The following STPG2 variants were observed in gnomAD, a reference collection of about 807,000 sequenced individuals.
STPG2 encodes the protein sperm-tail PG-rich repeat-containing protein 2.
STPG2 carries 56 observed loss-of-function variants against 54.2 expected under a neutral mutation model. That is an observed-to-expected ratio of 1.03 (90% CI 0.83 to 1.29). The LOEUF (loss-of-function observed/expected upper bound fraction) is 1.29, where lower values mean the gene tolerates loss of function less well. Among genes scored for constraint, STPG2 ranks in the 50% most tolerant of loss-of-function variants. The probability of loss-of-function intolerance (pLI) is 0.00; values close to 1 mark genes in which losing one functional copy is unlikely to be tolerated. For missense variants in STPG2, 596 were observed against 544.9 expected (o/e 1.09, Z -0.93); for synonymous variants, 200 against 181.8 (o/e 1.10, Z -0.81).
intron 4 of STPG2, among the ~76,000 whole-genome samples, chr4:97,498,245 T>C (rs1037856024): frequency 1.3e-5 from 2 of 151,884 alleles, no homozygotes; most frequent in African/African-American, 4.8e-5. Context: ...CACCTTTAAA[T>C]AGAGAACTTG....
intron 4 of STPG2, among the ~76,000 whole-genome samples, chr4:97,456,348 G>A (rs557651558): frequency 8.7e-4 from 133 of 152,048 alleles, no homozygotes; most frequent in African/African-American, 2.8e-3. Context: ...GAGAGCCAAG[G>A]GGGAAAGTGC....
chr4:97,819,181 G>T (rs1193386842), intron 9 of STPG2, among the ~76,000 whole-genome samples: 4 of 151,634 alleles, frequency 2.6e-5, no homozygotes, highest in Non-Finnish European at 5.9e-5. Flanking sequence ...AAGCATTTCT[G>T]GCAGCTATAG....
chr4:97,483,080 T>C lies in STPG2; in HGVS notation c.462+229619A>G, dbSNP rs1373486903. Reference sequence around the variant, plus strand: ...AAACTCTAAGTCTTGAAACAAATTCTGGAAACACATCAAAACAGGACCTCT... The same window carrying C: ...AAACTCTAAGTCTTGAAACAAATTCCGGAAACACATCAAAACAGGACCTCT... On this transcript the variant is annotated intron_variant, in intron 4 of 4. Transcript: ENST00000522676. Among the ~76,000 whole-genome samples the C allele has an allele frequency of 2.6e-5, 4 of 151,758 alleles. 1 individual carries two copies. The highest frequency in any genetic ancestry group is 6.6e-5 in the Admixed American group (1 of 15,204).
intron 10 of STPG2, among the ~76,000 whole-genome samples, chr4:97,680,737 A>G (rs190488913): frequency 3.3e-5 from 5 of 152,136 alleles, no homozygotes; most frequent in Admixed American, 2.6e-4. Flanking sequence ...TAGAGTAAGA[A>G]GAAATGGAAT....
At chr4:97,447,053 C>T (rs1478369553) in intron 4 of STPG2, among the ~76,000 whole-genome samples, 1 of 152,092 alleles carries the variant, frequency 6.6e-6, no homozygotes, top group Non-Finnish European at 1.5e-5. Flanking sequence ...TGGTTTTGAC[C>T]AAAATGCTGA....
At chr4:98,005,043 G>C (rs946474757) in intron 5 of STPG2, among the ~76,000 whole-genome samples, 2 of 151,290 alleles carry the variant, frequency 1.3e-5, no homozygotes, top group Admixed American at 6.6e-5. Flanking sequence ...TCCTGTTTAG[G>C]GGATAATAGC....
At chr4:97,976,635 T>A (rs1045426268) in intron 6 of STPG2, among the ~76,000 whole-genome samples, 1 of 152,150 alleles carries the variant, frequency 6.6e-6, no homozygotes, top group African/African-American at 2.4e-5. Context: ...CAGTAGGTGG[T>A]CAAATCTGCT....
chr4:97,625,410 A>T (rs1205317181), intron 10 of STPG2, among the ~76,000 whole-genome samples: 1 of 152,140 alleles, frequency 6.6e-6, no homozygotes, highest in African/African-American at 2.4e-5. Context: ...CCTGGGTTCA[A>T]GCAATTCTTC....
At chr4:97,899,778 T>G (rs986191061) in intron 8 of STPG2, among the ~76,000 whole-genome samples, 1 of 151,992 alleles carries the variant, frequency 6.6e-6, no homozygotes, top group Non-Finnish European at 1.5e-5. Context: ...ATGCAGAATA[T>G]TGAAGCTGGA....
At chr4:97,494,614 G>C (rs116476945) in intron 4 of STPG2, among the ~76,000 whole-genome samples, 88 of 151,682 alleles carry the variant, frequency 5.8e-4, no homozygotes, top group African/African-American at 2.1e-3. Flanking sequence ...AGCTGATCCT[G>C]AGGTACCAGC....
chr4:97,679,054 T>C (rs1578474272), intron 10 of STPG2, among the ~76,000 whole-genome samples: 1 of 152,266 alleles, frequency 6.6e-6, no homozygotes, highest in Non-Finnish European at 1.5e-5. Context: ...GTTCCAAGTC[T>C]TTGCTATTGT....
At chr4:97,579,396 T>A (rs981837897) in intron 10 of STPG2, among the ~76,000 whole-genome samples, 5 of 152,002 alleles carry the variant, frequency 3.3e-5, no homozygotes, top group African/African-American at 1.2e-4. Context: ...TTAGAAAAAA[T>A]TTAATCTCAA....
At chr4:97,565,850 G>GC (rs899253159) in intron 10 of STPG2, among the ~76,000 whole-genome samples, 4 of 151,948 alleles carry the variant, frequency 2.6e-5, no homozygotes, top group Non-Finnish European at 5.9e-5. Flanking sequence ...GCTACTGGGG[G>GC]GTGCCTCCCA....
intron 5 of STPG2, among the ~76,000 whole-genome samples, chr4:98,079,517 C>A (rs1293847917): frequency 6.6e-6 from 1 of 152,180 alleles, no homozygotes; most frequent in Non-Finnish European, 1.5e-5. Context: ...ATTTCAGGTA[C>A]TCATTTGTCC....
downstream of STPG2, among the ~76,000 whole-genome samples, chr4:97,555,174 T>C (rs1732049269): frequency 6.6e-6 from 1 of 152,202 alleles, no homozygotes; most frequent in Non-Finnish European, 1.5e-5. Flanking sequence ...TCTTCCCCCA[T>C]ACCCTTCTTT....
chr4:97,471,786 T>A (rs1169740306), intron 4 of STPG2, among the ~76,000 whole-genome samples: 1 of 152,224 alleles, frequency 6.6e-6, no homozygotes, highest in Admixed American at 6.5e-5. Context: ...GGATTAATAT[T>A]ATAAATACAA....
intron 10 of STPG2, among the ~76,000 whole-genome samples, chr4:97,602,159 T>A (rs1033274405): frequency 6.6e-6 from 1 of 151,990 alleles, no homozygotes; most frequent in African/African-American, 2.4e-5. Flanking sequence ...ACTTTTTTTC[T>A]ATGTTGTCAA....
At chr4:97,600,442 G>GA (rs1733428871) in intron 10 of STPG2, among the ~76,000 whole-genome samples, 1 of 151,990 alleles carries the variant, frequency 6.6e-6, no homozygotes, top group Non-Finnish European at 1.5e-5. Context: ...GCAAAAACCA[G>GA]AAAAAAGGAA....
chr4:97,578,061 C>T (rs1732767170), intron 10 of STPG2, among the ~76,000 whole-genome samples: 1 of 151,432 alleles, frequency 6.6e-6, no homozygotes, highest in South Asian at 2.1e-4. Flanking sequence ...TAATTAACCT[C>T]TCAGTTTACC....
Sources: allele counts gnomAD v4.1 joint callset (sites outside exome capture counted in the v4.1 genomes callset), GRCh38; gene constraint gnomAD v4.1.1; transcripts MANE v1.5; gene names NCBI Gene and HGNC (gene_info 2026-07-23, HGNC 2026-07-21).